Variants in IK observed in about 807,000 individuals in gnomAD.
The protein encoded by IK is protein Red.
IK carries 47 observed loss-of-function variants against 90.9 expected under a neutral mutation model. That is an observed-to-expected ratio of 0.52 (90% CI 0.41 to 0.66). The LOEUF (loss-of-function observed/expected upper bound fraction) is 0.66. Ranked by LOEUF, IK falls within the 30% of genes least tolerant of loss-of-function variation. IK has a pLI of 0.00. For synonymous variants in IK, 201 were observed against 227.5 expected (o/e 0.88, Z 1.05); for missense variants, 385 against 709.3 (o/e 0.54, Z 5.19).
intron 5 of IK, among the ~76,000 whole-genome samples, chr5:140,653,686 C>T (rs934562954): frequency 5.0e-5 from 7 of 141,316 alleles, no homozygotes; most frequent in Non-Finnish European, 7.7e-5. Context: ...CTCACTGCAG[C>T]CTCCGCCTCC....
At chr5:140,648,390 G>T in intron 1 of IK, 81 bp from the exon 2 acceptor site, 1 of 1,237,498 alleles carries the variant, frequency 8.1e-7, no homozygotes, top group Non-Finnish European at 1.2e-6. Flanking sequence ...GTTCTGTATT[G>T]TTCACTACTA....
intron 3 of IK, 123 bp from the exon 4 acceptor site, chr5:140,651,965 C>A: frequency 3.5e-6 from 3 of 867,138 alleles, no homozygotes; most frequent in Non-Finnish European, 5.8e-6. Flanking sequence ...TGGATTTCTG[C>A]TTGATTGAAA....
intron 15 of IK, 195 bp downstream of exon 15, chr5:140,660,390 C>T (rs1053557661): frequency 2.8e-5 from 15 of 537,016 alleles, no homozygotes; most frequent in East Asian, 2.2e-4. Context: ...CTCCATCTCC[C>T]GGGTTCAAGC....
chr5:140,659,773 G>A lies in IK; in HGVS notation c.1213G>A (p.Glu405Lys). 6.3e-7 allele frequency: 1 copy of A among 1,597,130 alleles called. No individual in the cohort carries two copies. The highest frequency in any genetic ancestry group is 8.5e-7 in the Non-Finnish European group (1 of 1,171,262). Reference protein sequence around the residue: ...DVDKGPGSTKELIKSINEKFA... With the variant: ...DVDKGPGSTKKLIKSINEKFA... Reference sequence around the variant, plus strand: ...TCTCCTAGGACCTGGGTCTACCAAGGAGTTGATCAAGTCCATCAATGAAAA... The same window carrying A: ...TCTCCTAGGACCTGGGTCTACCAAGAAGTTGATCAAGTCCATCAATGAAAA... Residue 405 changes from glutamate (E) to lysine (K), a missense_variant, in exon 14 of 20, where the codon GAG becomes AAG. Physicochemically the swap from Glu to Lys is moderately conservative, Grantham distance 56. Coordinates refer to ENST00000417647, the MANE Select transcript of IK (RefSeq NM_006083.4).
At chr5:140,659,933 T>A in intron 14 of IK, 99 bp downstream of exon 14, 1 of 983,054 alleles carries the variant, frequency 1.0e-6, no homozygotes, top group South Asian at 1.4e-5. Context: ...CCCCTCTCCT[T>A]CCCTTTTACG....
intron 1 of IK, chr5:140,648,228 T>C: frequency 1.4e-6 from 1 of 704,190 alleles, no homozygotes; most frequent in South Asian, 1.5e-5. Flanking sequence ...TATTTATCTT[T>C]TACGTAGTAT....
intron 2 of IK, chr5:140,648,810 T>C (rs1757551138): frequency 2.3e-6 from 1 of 425,590 alleles, no homozygotes; most frequent in South Asian, 3.0e-5. Context: ...CAATAGCAAA[T>C]TAAAACATAG....
intron 2 of IK, 22 bp downstream of exon 2, chr5:140,648,559 C>T (rs1223585026): frequency 2.5e-6 from 4 of 1,607,414 alleles, no homozygotes; most frequent in Middle Eastern, 1.7e-4. Flanking sequence ...GTGCTAGGAC[C>T]ATGGAAATGA....
At position 140,660,169 on chromosome 5, in the gene IK, C is replaced by T. The variant is rs368399405; in HGVS notation, c.1329C>T (p.Asn443=). The T allele has an allele frequency of 9.3e-6, 15 of 1,613,238 alleles. No homozygotes were observed. The highest frequency in any genetic ancestry group is 2.7e-5 in the African/African-American group (2 of 74,836). ...TGGGAGATTTCTTTGGCATGTCCAA[C>T]AGTTATGCAGAGTGCTACCCAGCCA... ...KQLGDFFGMS[N]SYAECYPATM... The change falls in exon 15 of 20, where the codon AAC becomes AAT. Residue 443 remains asparagine (N), a synonymous_variant. Transcript: ENST00000417647.
rs1757806011 is a variant in IK, at chr5:140,661,837, T to C, written c.1503-62T>C. 4 of 1,494,080 alleles carry C rather than the reference T, an allele frequency of 2.7e-6. No individual in the cohort carries two copies. In the African/African-American group the frequency reaches 4.2e-5, roughly 16 times the overall value. 92.6% of individuals were successfully genotyped at this position (1,494,080 alleles called of 1,614,324 possible). On this transcript the variant is annotated intron_variant, in intron 17 of 19. Coordinates refer to ENST00000417647, the MANE Select transcript of IK (RefSeq NM_006083.4). This position sits in a 1 kb window ranked among gnomAD's most constrained non-coding sequence, Gnocchi z 4.2. ...ACTAAGTTCTTTGCCCACAGGACTC[T>C]GGGAAAACCTCGCCACTGCTATGCA... is the stretch of plus-strand genomic sequence containing the variant.
intron 2 of IK, 85 bp downstream of exon 2, chr5:140,648,622 T>C: frequency 7.5e-7 from 1 of 1,327,126 alleles, no homozygotes; most frequent in East Asian, 2.3e-5. Context: ...TCTGAATGTC[T>C]TGTCATCAAG....
chr5:140,659,294 C>T (rs768197822), intron 12 of IK, 21 bp from the exon 13 acceptor site: 33 of 1,613,670 alleles, frequency 2.0e-5, no homozygotes, highest in Non-Finnish European at 2.7e-5. Context: ...ACACTAACTT[C>T]ACATTTTGTG....
chr5:140,657,766 G>C (rs553313510), intron 10 of IK, 104 bp downstream of exon 10: 1 of 714,204 alleles, frequency 1.4e-6, no homozygotes, highest in Non-Finnish European at 2.4e-6. Flanking sequence ...AGAGGCTCCT[G>C]GGAAGCAGAG....
intron 4 of IK, 34 bp downstream of exon 4, chr5:140,652,181 G>A (rs537033355): frequency 6.5e-7 from 1 of 1,539,406 alleles, no homozygotes; most frequent in South Asian, 1.1e-5. Context: ...AGATTTTAAG[G>A]TGGATAGTGT....
At chr5:140,657,254 T>G (rs193022384) in intron 9 of IK, among the ~76,000 whole-genome samples, 59 of 152,248 alleles carry the variant, frequency 3.9e-4, no homozygotes, top group Middle Eastern at 6.8e-3. Flanking sequence ...TTAGAAGCTT[T>G]TAGTAGTATC....
chr5:140,649,273 A>G lies in IK; in HGVS notation c.83+736A>G, dbSNP rs544294737. ...ACCCAGGCTGGAGTGCAGTGATGCA[A>G]TCTTGGCTCACTGCAACCTCTGCCT... On this transcript the variant is annotated intron_variant, in intron 2 of 19. Transcript: ENST00000417647. Among the ~76,000 whole-genome samples, 7 of 147,862 alleles carry G rather than the reference A, an allele frequency of 4.7e-5. No individual in the cohort carries two copies. The South Asian group carries it at 1.1e-3, about 22-fold the overall frequency.
intron 11 of IK, 60 bp from the exon 12 acceptor site, chr5:140,658,879 G>A: frequency 6.2e-7 from 1 of 1,604,618 alleles, no homozygotes; most frequent in Admixed American, 1.7e-5. Context: ...TGGAGAAATG[G>A]TCAGGGGGAG....
chr5:140,648,650 C>A, intron 2 of IK, 113 bp downstream of exon 2: 1 of 1,040,588 alleles, frequency 9.6e-7, no homozygotes. Flanking sequence ...AAAAATTATA[C>A]CCGCTGGCCC....
rs1757623526 is a variant in IK at position 140,651,989 on chromosome 5, C to G, written c.177-99C>G. 4.2e-6 allele frequency: 4 copies of G among 951,176 alleles called. No homozygotes were observed. The Middle Eastern group carries it at 8.4e-4, about 200-fold the overall frequency. 58.9% of individuals were successfully genotyped at this position (951,176 alleles called of 1,614,324 possible). A position where few individuals can be genotyped will look rare whatever the true frequency, so the allele number is the denominator to read the frequency against. ...GCTTGATTGAAAGTGTTACTTTGAT[C>G]AGTATTCTAGGTCTTTCTAAAAATC... On this transcript the variant is annotated intron_variant, in intron 3 of 19. Coordinates refer to ENST00000417647, the MANE Select transcript of IK (RefSeq NM_006083.4).
Sources: gnomAD v4.1 joint callset for allele counts (sites outside exome capture counted in the v4.1 genomes callset) on GRCh38, gnomAD v4.1.1 for gene constraint, Gnocchi (gnomAD v3.1) non-coding constraint, MANE v1.5 for transcripts, NCBI Gene and HGNC (gene_info 2026-07-23, HGNC 2026-07-21) for gene names.